CSGALNACT1: variants seen among roughly 807,000 people sequenced by gnomAD.
CSGALNACT1 encodes beta4GalNAcT-1.
A neutral mutation model predicts 51.0 loss-of-function variants in CSGALNACT1; 52 were observed. That is an observed-to-expected ratio of 1.02 (90% CI 0.82 to 1.29). The LOEUF is 1.29. Ranked by LOEUF, CSGALNACT1 falls within the 50% of genes most tolerant of loss-of-function variation. The probability of loss-of-function intolerance (pLI) is 0.00; values close to 1 mark genes in which losing one functional copy is unlikely to be tolerated. For synonymous variants in CSGALNACT1, 341 were observed against 254.4 expected, an observed-to-expected ratio of 1.34 and a Z score of -3.24; for missense variants, 935 against 679.2, an observed-to-expected ratio of 1.38 and a Z score of -4.19.
At position 19,452,067 on chromosome 8, in the gene CSGALNACT1, C is replaced by T. The variant is rs528922505; in HGVS notation, c.851+6359G>A. On this transcript the variant is annotated intron_variant, in intron 5 of 9. Coordinates refer to ENST00000454498, the Ensembl canonical transcript of CSGALNACT1. ...GTTGAAAATGGCAACAATTTTGCCA[C>T]CAATAAATGACCAATGAGGGAGACA... Among the ~76,000 whole-genome samples, 4 of 152,298 alleles carry T rather than the reference C, an allele frequency of 2.6e-5. No homozygotes were observed. The South Asian group carries it at 8.3e-4, about 32-fold the overall frequency.
At chr8:19,502,342 G>A (rs4921653) in intron 4 of CSGALNACT1, among the ~76,000 whole-genome samples, 87,053 of 152,060 alleles carry the variant, frequency 0.57, 25,826 homozygotes, top group East Asian at 0.84. Flanking sequence ...TCTCTTGTTG[G>A]TGGATTAGGA....
chr8:19,449,395 G>A (rs1245983771), intron 5 of CSGALNACT1, among the ~76,000 whole-genome samples: 9 of 152,140 alleles, frequency 5.9e-5, no homozygotes, highest in Admixed American at 5.9e-4. Context: ...ACTAGACTAT[G>A]CAAAAGACAT....
chr8:19,667,524 G>T (rs192848965), intron 1 of CSGALNACT1, among the ~76,000 whole-genome samples: 3 of 141,758 alleles, frequency 2.1e-5, no homozygotes, highest in Admixed American at 1.4e-4. Context: ...AACGGTAAGA[G>T]AACAATGAAC....
At chr8:19,538,003 G>A (rs182725441) in intron 3 of CSGALNACT1, among the ~76,000 whole-genome samples, 359 of 152,260 alleles carry the variant, frequency 2.4e-3, no homozygotes, top group African/African-American at 7.3e-3. Flanking sequence ...CAAAGGACTA[G>A]CACCAACCTT....
At chr8:19,731,492 C>T (rs897607534) in intron 1 of CSGALNACT1, among the ~76,000 whole-genome samples, 1 of 152,072 alleles carries the variant, frequency 6.6e-6, no homozygotes, top group Non-Finnish European at 1.5e-5. Context: ...TGGACGAGAG[C>T]GAGACTCCAT....
chr8:19,633,331 A>T (rs1052681551), intron 1 of CSGALNACT1, among the ~76,000 whole-genome samples: 5 of 151,990 alleles, frequency 3.3e-5, no homozygotes, highest in Non-Finnish European at 5.9e-5. Flanking sequence ...TGACAACCAT[A>T]CTACTCTCAC....
chr8:19,582,024 G>C (rs776709909), intron 3 of CSGALNACT1, among the ~76,000 whole-genome samples: 1 of 152,190 alleles, frequency 6.6e-6, no homozygotes, highest in South Asian at 2.1e-4. Context: ...CTGTATCTGA[G>C]CTATCTCTGT....
chr8:19,501,665 A>G (rs2076447222), intron 4 of CSGALNACT1, among the ~76,000 whole-genome samples: 1 of 152,234 alleles, frequency 6.6e-6, no homozygotes, highest in South Asian at 2.1e-4. Flanking sequence ...GGATTGTGAA[A>G]GAGAGTTCGG....
rs533880771 is a variant in CSGALNACT1, at chr8:19,421,582, C to G, written c.954-1064G>C. ...CAGCTACCTGGCCTATCCCCATGCC[C>G]CAACTTCTCTCTACTGTTTCTTTCC... On this transcript the variant is annotated intron_variant, in intron 6 of 9. Transcript: ENST00000454498. Among the ~76,000 whole-genome samples, 7 of 152,324 alleles carry G rather than the reference C, an allele frequency of 4.6e-5. No homozygotes were observed. The South Asian group carries it at 1.5e-3, about 32-fold the overall frequency.
chr8:19,587,278 A>G (rs1015170832), intron 3 of CSGALNACT1, among the ~76,000 whole-genome samples: 2 of 152,222 alleles, frequency 1.3e-5, no homozygotes, highest in African/African-American at 4.8e-5. Flanking sequence ...TAAAGCTCCA[A>G]ATCAAAGGTT....
At chr8:19,538,481 G>A (rs2084295394) in intron 3 of CSGALNACT1, among the ~76,000 whole-genome samples, 1 of 152,182 alleles carries the variant, frequency 6.6e-6, no homozygotes, top group Middle Eastern at 3.2e-3. Flanking sequence ...TAATTGGAAT[G>A]AGAATGGGGG....
chr8:19,668,643 C>G (rs1397058302), intron 1 of CSGALNACT1, among the ~76,000 whole-genome samples: 1 of 152,132 alleles, frequency 6.6e-6, no homozygotes, highest in Non-Finnish European at 1.5e-5. Context: ...CAACCTCCAC[C>G]TCCTCAGTTC....
Position 19,591,279 on chromosome 8 carries a change from C to T in CSGALNACT1, c.-415-1G>A, listed in dbSNP as rs931011066. 1 of 152,174 alleles carries T rather than the reference C, an allele frequency of 6.6e-6. No individual in the cohort carries two copies. The highest frequency in any genetic ancestry group is 1.5e-5 in the Non-Finnish European group (1 of 68,034). 9.4% of individuals were successfully genotyped at this position (152,174 alleles called of 1,614,324 possible). On this transcript the variant is annotated splice_acceptor_variant, in intron 2 of 9. Transcript: ENST00000454498. LOFTEE classifies it low-confidence loss of function (5UTR_SPLICE). ...TTTATGCCTACTGCTCCCTTTATGT[C>T]TGGAGGTTCAAGGACAGAAGGGAAG...
intron 4 of CSGALNACT1, among the ~76,000 whole-genome samples, chr8:19,490,766 G>C (rs1447926060): frequency 1.3e-5 from 2 of 152,102 alleles, no homozygotes. Flanking sequence ...ACCTTTACAG[G>C]CTGCCTGCTC....
intron 5 of CSGALNACT1, among the ~76,000 whole-genome samples, chr8:19,445,927 C>A (rs112599033): frequency 6.6e-6 from 1 of 152,142 alleles, no homozygotes; most frequent in African/African-American, 2.4e-5. Context: ...ATAATCTCAG[C>A]ACTTTGAGAG....
intron 4 of CSGALNACT1, among the ~76,000 whole-genome samples, chr8:19,468,451 G>T (rs143575805): frequency 6.6e-6 from 1 of 152,170 alleles, no homozygotes; most frequent in Non-Finnish European, 1.5e-5. Context: ...TGTCCTAGAG[G>T]AAAGGGGAGC....
chr8:19,525,851 G>A (rs1409071930), intron 3 of CSGALNACT1, among the ~76,000 whole-genome samples: 1 of 152,016 alleles, frequency 6.6e-6, no homozygotes, highest in Non-Finnish European at 1.5e-5. Flanking sequence ...GCCAGGGGTG[G>A]CTCTATTTTG....
At chr8:19,521,666 A>G (rs1587764057) in intron 3 of CSGALNACT1, among the ~76,000 whole-genome samples, 1 of 152,348 alleles carries the variant, frequency 6.6e-6, no homozygotes, top group Non-Finnish European at 1.5e-5. Flanking sequence ...TCCAAAAAAA[A>G]TAAAAACAAG....
At chr8:19,684,614 G>A (rs1013965923), upstream of CSGALNACT1, among the ~76,000 whole-genome samples, 15 of 151,828 alleles carry the variant, frequency 9.9e-5, no homozygotes, top group African/African-American at 2.9e-4. Flanking sequence ...TGAAGGTATC[G>A]AGCCACCCTC....
Sources: allele counts gnomAD v4.1 joint callset (sites outside exome capture counted in the v4.1 genomes callset), GRCh38; gene constraint gnomAD v4.1.1; transcripts MANE v1.5; gene names NCBI Gene and HGNC (gene_info 2026-07-23, HGNC 2026-07-21).